Variants in ADAMTS12 observed in about 807,000 individuals in gnomAD.
ADAMTS12 encodes the protein A disintegrin and metalloproteinase with thrombospondin motifs 12.
ADAMTS12 carries 118 observed loss-of-function variants against 167.8 expected under a neutral mutation model. The observed-to-expected ratio is 0.70, with a 90% CI of 0.61 to 0.82. The LOEUF (loss-of-function observed/expected upper bound fraction) is 0.82. ADAMTS12 is among the 40% of genes least tolerant of loss of function. The pLI is 0.00. For synonymous variants in ADAMTS12, 704 were observed against 716.9 expected, an observed-to-expected ratio of 0.98 and a Z score of 0.29; for missense variants, 1,916 against 1,998.8, an observed-to-expected ratio of 0.96 and a Z score of 0.79.
At chr5:33,642,905 T>C (rs1740516920) in intron 10 of ADAMTS12, among the ~76,000 whole-genome samples, 1 of 152,276 alleles carries the variant, frequency 6.6e-6, no homozygotes, top group South Asian at 2.1e-4. Context: ...TGTTCTGTGG[T>C]GTCTGATTTG....
chr5:33,685,949 C>T (rs966929644), intron 3 of ADAMTS12, among the ~76,000 whole-genome samples: 1 of 152,136 alleles, frequency 6.6e-6, no homozygotes, highest in African/African-American at 2.4e-5. Context: ...CTGTGTAAGC[C>T]AAGCAGCCAG....
At chr5:33,676,251 T>C (rs143085719) in intron 5 of ADAMTS12, among the ~76,000 whole-genome samples, 63 of 152,314 alleles carry the variant, frequency 4.1e-4, no homozygotes, top group African/African-American at 1.5e-3. Context: ...TCTCGCTCTT[T>C]GTAAGCTCTC....
In ADAMTS12 at chr5:33,619,307, T is replaced by C. The variant is rs79122142; in HGVS notation, c.2144-3235A>G. ...CCTTTACAGATCATAAACCAGACTG[T>C]ATTTGCATAAAACAATAGAGGTAGC... On this transcript the variant is annotated intron_variant, in intron 14 of 23. Transcript: ENST00000504830. 9.7e-3 allele frequency among the ~76,000 whole-genome samples: 1,471 copies of C among 152,338 alleles called. 17 individuals carry two copies. The highest frequency in any genetic ancestry group is 0.033 in the African/African-American group (1,355 of 41,568).
intron 2 of ADAMTS12, among the ~76,000 whole-genome samples, chr5:33,835,480 C>T (rs900481780): frequency 1.3e-5 from 2 of 152,188 alleles, no homozygotes; most frequent in African/African-American, 4.8e-5. Context: ...TTATTTCTCA[C>T]AGTTCTGGAG....
At chr5:33,686,994 C>G (rs1742358240) in intron 3 of ADAMTS12, among the ~76,000 whole-genome samples, 1 of 150,352 alleles carries the variant, frequency 6.7e-6, no homozygotes, top group South Asian at 2.1e-4. Context: ...TCTTGGACTT[C>G]AAGTCTCTAG....
chr5:33,791,492 C>A (rs1746567909), intron 2 of ADAMTS12, among the ~76,000 whole-genome samples: 1 of 152,038 alleles, frequency 6.6e-6, no homozygotes, highest in South Asian at 2.1e-4. Flanking sequence ...AAAACAAGGA[C>A]TACTAAATAA....
At chr5:33,751,695 T>C (rs1311151710) in intron 2 of ADAMTS12, 147 bp from the exon 3 acceptor site, 2 of 708,688 alleles carry the variant, frequency 2.8e-6, no homozygotes, top group East Asian at 5.4e-5. Context: ...CATAGAAGAG[T>C]TACATACAAA....
chr5:33,809,185 G>T lies in ADAMTS12; in HGVS notation c.490-57637C>A, dbSNP rs573655642. Among the ~76,000 whole-genome samples the T allele has an allele frequency of 9.9e-5, 15 of 152,240 alleles. No homozygotes were observed. The South Asian group carries it at 3.1e-3, about 32-fold the overall frequency. On this transcript the variant is annotated intron_variant, in intron 2 of 23. Transcript: ENST00000504830. ...TGTAATGAGCATTTAAAACACCAGG[G>T]ATCCTGTTAAACTGCAGACCATGAT...
At chr5:33,695,835 A>G (rs1363892061) in intron 3 of ADAMTS12, among the ~76,000 whole-genome samples, 1 of 152,226 alleles carries the variant, frequency 6.6e-6, no homozygotes. Context: ...TGAACTGTAC[A>G]TTTAAAAATG....
rs1741129806 is a variant in ADAMTS12, at chr5:33,658,238, T to C, written c.1136A>G (p.Asn379Ser). The change falls in exon 7 of 24, where the codon AAT (asparagine) becomes AGT (serine). Residue 379 changes from asparagine (N) to serine (S), a missense_variant. Transcript: ENST00000504830. Reference protein sequence around the residue: ...MCQPHRSCNINEDSGLPLAFT... With the variant: ...MCQPHRSCNISEDSGLPLAFT... ...AGCCAGAGGGAGTCCCGAATCTTCA[T>C]TGATGTTACAACTGCGGTGAGGCTG... 1.2e-6 allele frequency: 2 copies of C among 1,613,632 alleles called. No homozygotes were observed. Among genetic ancestry groups the C allele is most frequent in the African/African-American group, 1.3e-5 (1 of 74,912 alleles).
chr5:33,567,352 C>T (rs1457539202), intron 19 of ADAMTS12, among the ~76,000 whole-genome samples: 1 of 152,156 alleles, frequency 6.6e-6, no homozygotes, highest in African/African-American at 2.4e-5. Flanking sequence ...TAATTAGTAG[C>T]TTCCACTTCT....
intron 2 of ADAMTS12, among the ~76,000 whole-genome samples, chr5:33,847,295 C>A (rs921345894): frequency 6.6e-6 from 1 of 152,152 alleles, no homozygotes; most frequent in Non-Finnish European, 1.5e-5. Context: ...CTGGCCAGAC[C>A]ACATGTTCAC....
At chr5:33,882,794 T>C (rs1031675281) in intron 1 of ADAMTS12, among the ~76,000 whole-genome samples, 5 of 152,206 alleles carry the variant, frequency 3.3e-5, no homozygotes, top group Non-Finnish European at 5.9e-5. Flanking sequence ...TTTCTCCATG[T>C]TGGTCAGGCT....
intron 2 of ADAMTS12, among the ~76,000 whole-genome samples, chr5:33,777,868 T>C (rs1373371164): frequency 1.3e-5 from 2 of 152,058 alleles, no homozygotes; most frequent in Non-Finnish European, 2.9e-5. Flanking sequence ...AGTAAGATTT[T>C]TTTATATAGT....
chr5:33,612,860 A>G (rs1359911468), intron 16 of ADAMTS12, among the ~76,000 whole-genome samples: 8 of 152,244 alleles, frequency 5.3e-5, no homozygotes, highest in Admixed American at 5.2e-4. Context: ...TGACCTTGAT[A>G]GATTTCCAGA....
intron 14 of ADAMTS12, among the ~76,000 whole-genome samples, chr5:33,621,045 C>A (rs1474301596): frequency 2.0e-5 from 3 of 152,124 alleles, no homozygotes; most frequent in Non-Finnish European, 2.9e-5. Flanking sequence ...TGACCTCAAA[C>A]AAGAAGTCTC....
At chr5:33,889,729 G>A (rs576064150) in intron 1 of ADAMTS12, among the ~76,000 whole-genome samples, 315 of 152,290 alleles carry the variant, frequency 2.1e-3, no homozygotes, top group African/African-American at 7.2e-3. Flanking sequence ...AAGGTGGGCA[G>A]ATCACCTGAG....
intron 22 of ADAMTS12, among the ~76,000 whole-genome samples, chr5:33,541,955 A>C (rs1744722029): frequency 6.6e-6 from 1 of 152,254 alleles, no homozygotes; most frequent in Non-Finnish European, 1.5e-5. Flanking sequence ...ACCAGCTAGC[A>C]TCATAATGAC....
chr5:33,838,580 G>A (rs1748618879), intron 2 of ADAMTS12, among the ~76,000 whole-genome samples: 2 of 152,172 alleles, frequency 1.3e-5, no homozygotes, highest in Non-Finnish European at 2.9e-5. Context: ...CTATGTGGAG[G>A]CTGAGGTAGG....
Sources: allele counts gnomAD v4.1 joint callset (sites outside exome capture counted in the v4.1 genomes callset), GRCh38; gene constraint gnomAD v4.1.1; transcripts MANE v1.5; gene names NCBI Gene and HGNC (gene_info 2026-07-23, HGNC 2026-07-21).